Variants in PIWIL1 observed in about 807,000 individuals in gnomAD.
The protein encoded by PIWIL1 is piwi like RNA-mediated gene silencing 1, also known as piwi-like protein 1.
In PIWIL1, 73 loss-of-function variants were observed where a neutral mutation model predicts 114.4. The observed-to-expected ratio is 0.64, with a 90% CI of 0.53 to 0.78. The LOEUF is 0.78. Ranked by LOEUF, PIWIL1 falls within the 30% of genes least tolerant of loss-of-function variation. The pLI is 0.00. For synonymous variants in PIWIL1, 375 were observed against 369.0 expected, an observed-to-expected ratio of 1.02 and a Z score of -0.19; for missense variants, 723 against 1,063.1, an observed-to-expected ratio of 0.68 and a Z score of 4.45.
rs1054158998 is a variant in PIWIL1 at position 130,354,024 on chromosome 12, A to G, written c.1045-513A>G. The stretch of plus-strand genomic sequence containing the variant: ...ATCTGGGGAACCTTAACACTTCTCA[A>G]TTGAAATTTGACTTCTTGAAAATAT... On this transcript the variant is annotated intron_variant, in intron 9 of 20. Transcript: ENST00000245255. Among the ~76,000 whole-genome samples, 3 of 152,206 alleles carry G rather than the reference A, an allele frequency of 2.0e-5. No homozygotes were observed. The South Asian group carries it at 6.2e-4, about 31-fold the overall frequency.
chr12:130,355,634 G>C lies in PIWIL1; in HGVS notation c.1371G>C (p.Leu457Phe). The change falls in exon 12 of 21, where the codon TTG (leucine) becomes TTC (phenylalanine). Residue 457 changes from leucine to phenylalanine, a missense_variant. Coordinates refer to ENST00000245255, the MANE Select transcript of PIWIL1 (RefSeq NM_004764.5). ...SNLLSFSGRI[L>F]QTEKIHQGGK... ...TACTGTCCTTCTCAGGAAGAATTTT[G>C]CAAACAGAAAAGATTCACCAAGGTG... 1 of 1,614,082 alleles carries C rather than the reference G, an allele frequency of 6.2e-7. No homozygotes were observed. Among genetic ancestry groups the C allele is most frequent in the Non-Finnish European group, 8.5e-7 (1 of 1,179,916 alleles).
At chr12:130,393,955 A>G in the PIWIL1 span, among the ~76,000 whole-genome samples, 1 of 152,172 alleles carries the variant, frequency 6.6e-6, no homozygotes, top group Non-Finnish European at 1.5e-5. Context: ...TTATTTCTTC[A>G]GCTAGTGAAG....
chr12:130,346,464 C>A lies in PIWIL1; in HGVS notation c.411C>A (p.Asn137Lys). 6.2e-7 allele frequency: 1 copy of A among 1,613,816 alleles called. No homozygotes were observed. Among genetic ancestry groups the A allele is most frequent in the Non-Finnish European group, 8.5e-7 (1 of 1,179,678 alleles). ...WALYQYHIDY[N>K]PLMEARRLRS... ...TATATCAGTATCACATTGACTATAA[C>A]CCACTGATGGAAGCCAGAAGACTCC... The change falls in exon 5 of 21, where the codon AAC becomes AAA. Residue 137 changes from asparagine to lysine, a missense_variant. Physicochemically the swap from Asn to Lys is moderately conservative, Grantham distance 94. This residue lies in a region of PIWIL1 where 190 missense variants were observed against 294.4 expected (regional missense o/e 0.65). Transcript: ENST00000245255.
At chr12:130,357,358 A>G (rs1168476677) in intron 13 of PIWIL1, 123 bp from the exon 14 acceptor site, 2 of 729,828 alleles carry the variant, frequency 2.7e-6, no homozygotes, top group Admixed American at 5.3e-5. Flanking sequence ...ATGAATGGCT[A>G]GTCTCGGTGT....
intron 16 of PIWIL1, 112 bp from the exon 17 acceptor site, chr12:130,362,654 G>A: frequency 1.2e-6 from 1 of 862,528 alleles, no homozygotes; most frequent in Non-Finnish European, 1.9e-6. Context: ...TGTCTTTAAG[G>A]CAGTTACAAA....
intron 14 of PIWIL1, among the ~76,000 whole-genome samples, chr12:130,360,543 G>T (rs1005481771): frequency 1.3e-5 from 2 of 152,228 alleles, no homozygotes; most frequent in African/African-American, 2.4e-5. Flanking sequence ...TGAGGCAGGA[G>T]AATCAGTTGA....
chr12:130,342,155 C>CGTGTGTGT (rs56124149), intron 1 of PIWIL1: 92 of 134,982 alleles, frequency 6.8e-4, no homozygotes, highest in South Asian at 4.0e-3. Context: ...TGCCTGTTTC[C>CGTGTGTGT]GTGTGTGTGT....
chr12:130,349,755 G>T, intron 8 of PIWIL1, 101 bp from the exon 9 acceptor site: 1 of 697,938 alleles, frequency 1.4e-6, no homozygotes. Flanking sequence ...ATATAACCAG[G>T]TGATTTGAAA....
chr12:130,402,877 C>A, the PIWIL1 span, among the ~76,000 whole-genome samples: 3 of 152,260 alleles, frequency 2.0e-5, no homozygotes, highest in Admixed American at 2.0e-4. Context: ...TTTCAGATAC[C>A]GAGATGCTGG....
At chr12:130,397,341 G>A in the PIWIL1 span, 4 of 398,886 alleles carry the variant, frequency 1.0e-5, no homozygotes, top group Admixed American at 4.4e-5. Context: ...AGATTTGGCA[G>A]TTGTCCGGAA....
chr12:130,354,131 G>A (rs565782526), intron 9 of PIWIL1, among the ~76,000 whole-genome samples: 5 of 152,166 alleles, frequency 3.3e-5, no homozygotes, highest in Non-Finnish European at 7.4e-5. Flanking sequence ...TATTCTCACG[G>A]TGAGACTGCT....
the PIWIL1 span, chr12:130,424,681 C>T: frequency 4.1e-6 from 5 of 1,231,960 alleles, no homozygotes; most frequent in Middle Eastern, 6.2e-4. The surrounding 1 kb of genome is among the most constrained non-coding windows in gnomAD (Gnocchi z 9.8). Flanking sequence ...GGCTCTCTGG[C>T]CAGCCCCGTC....
the PIWIL1 span, chr12:130,407,598 G>T: frequency 1.2e-6 from 1 of 807,230 alleles, no homozygotes; most frequent in Non-Finnish European, 2.2e-6. Context: ...CGGATCGGCA[G>T]CCCTTCCTAC....
the PIWIL1 span, chr12:130,383,241 TG>T: frequency 6.6e-6 from 1 of 152,178 alleles, no homozygotes; most frequent in African/African-American, 2.4e-5. Flanking sequence ...GGCTATTTCA[TG>T]AGGGACAAGT....
At chr12:130,377,148 C>G (rs2073873213), downstream of PIWIL1, among the ~76,000 whole-genome samples, 1 of 152,214 alleles carries the variant, frequency 6.6e-6, no homozygotes, top group African/African-American at 2.4e-5. Context: ...TCATCTCCCG[C>G]TAGATGCTGA....
chr12:130,357,086 C>A lies in PIWIL1; in HGVS notation c.1573C>A (p.Gln525Lys), dbSNP rs1281066342. Residue 525 changes from glutamine (Q) to lysine (K), a missense_variant, in exon 13 of 21, where the codon CAA becomes AAA. Physicochemically the swap from Gln to Lys is moderately conservative, Grantham distance 53. Around this residue, in one of 8 missense-constraint regions of PIWIL1, gnomAD observed 298 missense variants for 420.8 expected, o/e 0.71. Transcript: ENST00000245255. ...TAAAGTTACACCAGCCATGGGCATGCAAATGAGAAAAGCAATAATGTAAGT... is the reference window on the plus strand; with the variant it reads ...TAAAGTTACACCAGCCATGGGCATGAAAATGAGAAAAGCAATAATGTAAGT... ...LFKVTPAMGM[Q>K]MRKAIMIEVD... is the part of the protein sequence containing the mutation. The A allele has an allele frequency of 4.4e-6, 7 of 1,608,626 alleles. No individual in the cohort carries two copies. Among genetic ancestry groups the A allele is most frequent in the Non-Finnish European group, 5.9e-6 (7 of 1,176,810 alleles).
intron 3 of PIWIL1, 122 bp downstream of exon 3, chr12:130,343,223 G>A: frequency 1.6e-6 from 1 of 615,584 alleles, no homozygotes; most frequent in Non-Finnish European, 2.8e-6. Context: ...TCCTTATAAT[G>A]TTGCCACAAC....
chr12:130,355,211 C>T (rs141885425), intron 11 of PIWIL1, among the ~76,000 whole-genome samples: 1 of 152,314 alleles, frequency 6.6e-6, no homozygotes, highest in Non-Finnish European at 1.5e-5. Context: ...TTAAACTTTG[C>T]AGTGCGTAGT....
At chr12:130,399,760 C>T in the PIWIL1 span, 5 of 1,613,982 alleles carry the variant, frequency 3.1e-6, no homozygotes, top group South Asian at 1.1e-5. Context: ...CGTCATCAGG[C>T]ACTTCTTCCA....
Sources: gnomAD v4.1 joint callset for allele counts (sites outside exome capture counted in the v4.1 genomes callset) on GRCh38, gnomAD v4.1.1 for gene constraint, gnomAD v4.1.1 regional missense constraint, Gnocchi (gnomAD v3.1) non-coding constraint, MANE v1.5 for transcripts, NCBI Gene and HGNC (gene_info 2026-07-23, HGNC 2026-07-21) for gene names.